The following CACNB4 variants were observed in gnomAD, a reference collection of about 807,000 sequenced individuals.
The protein encoded by CACNB4 is voltage-dependent L-type calcium channel subunit beta-4.
CACNB4 carries 32 observed loss-of-function variants against 71.2 expected under a neutral mutation model. That is an observed-to-expected ratio of 0.45 (90% CI 0.34 to 0.60). The LOEUF is 0.60. Among genes scored for constraint, CACNB4 ranks in the 20% least tolerant of loss-of-function variants. The probability of loss-of-function intolerance (pLI) is 0.01; values close to 1 mark genes in which losing one functional copy is unlikely to be tolerated. For missense variants in CACNB4, 464 were observed against 647.9 expected, an observed-to-expected ratio of 0.72 and a Z score of 3.08; for synonymous variants, 231 against 236.9, an observed-to-expected ratio of 0.97 and a Z score of 0.23.
intron 2 of CACNB4, among the ~76,000 whole-genome samples, chr2:152,044,709 G>A (rs1387811781): frequency 6.6e-6 from 1 of 152,066 alleles, no homozygotes; most frequent in Non-Finnish European, 1.5e-5. Flanking sequence ...CCTTTGTTTG[G>A]GTCATTTTCT....
chr2:152,092,861 T>C (rs1688053014), intron 2 of CACNB4, among the ~76,000 whole-genome samples: 1 of 151,798 alleles, frequency 6.6e-6, no homozygotes, highest in Non-Finnish European at 1.5e-5. Context: ...TTTTTTCCTA[T>C]ACATATATAC....
chr2:151,962,049 G>C (rs1243312120), intron 2 of CACNB4, among the ~76,000 whole-genome samples: 1 of 152,208 alleles, frequency 6.6e-6, no homozygotes, highest in Admixed American at 6.5e-5. Context: ...TGGCTAACCG[G>C]TAAGCTCTGC....
chr2:152,073,182 T>C (rs975441663), intron 2 of CACNB4, among the ~76,000 whole-genome samples: 5 of 152,180 alleles, frequency 3.3e-5, no homozygotes, highest in African/African-American at 1.2e-4. Context: ...ACTTGTGCAG[T>C]TGGCAGAGAG....
chr2:152,016,426 T>C lies in CACNB4; in HGVS notation c.147+81904A>G, dbSNP rs139585940. On this transcript the variant is annotated intron_variant, in intron 2 of 13. Transcript: ENST00000539935. ...CTGTATGGGATTCCATCAAAATTAC[T>C]GTATAATTTGATGCACACAGAAGAA... Among the ~76,000 whole-genome samples the C allele has an allele frequency of 1.4e-3, 217 of 152,346 alleles. 2 individuals carry two copies. Among genetic ancestry groups the C allele is most frequent in the African/African-American group, 4.9e-3 (202 of 41,580 alleles).
intron 2 of CACNB4, among the ~76,000 whole-genome samples, chr2:152,010,973 T>A (rs1272156393): frequency 2.0e-5 from 3 of 152,122 alleles, no homozygotes; most frequent in African/African-American, 7.2e-5. Context: ...ACTGCTCCCC[T>A]CATATTTAAG....
At chr2:151,962,610 T>C (rs758301015) in intron 2 of CACNB4, among the ~76,000 whole-genome samples, 2 of 152,260 alleles carry the variant, frequency 1.3e-5, no homozygotes, top group African/African-American at 4.8e-5. Flanking sequence ...AACTTGCAAC[T>C]GTCATCAAGA....
chr2:152,065,012 G>C (rs1417218103), intron 2 of CACNB4, among the ~76,000 whole-genome samples: 7 of 152,160 alleles, frequency 4.6e-5, no homozygotes, highest in Admixed American at 4.6e-4. Flanking sequence ...TGGCTCTTTA[G>C]GGCAAGGACT....
chr2:152,058,280 G>T (rs992143777), intron 2 of CACNB4, among the ~76,000 whole-genome samples: 7 of 152,192 alleles, frequency 4.6e-5, no homozygotes, highest in African/African-American at 1.7e-4. Context: ...CAAAGAGGGG[G>T]GTACTGCTAT....
chr2:152,054,754 T>C (rs1009982833), intron 2 of CACNB4, among the ~76,000 whole-genome samples: 3 of 152,208 alleles, frequency 2.0e-5, no homozygotes, highest in Admixed American at 6.5e-5. Context: ...TTTTTTATTA[T>C]AGCCATCCTA....
In CACNB4 at chr2:152,085,229, G is replaced by T. The variant is rs76633068; in HGVS notation, c.147+13101C>A. ...CCATGCAAGTACAGGCAGAGGGGAGGGAAGGGGAACACACTGGCATGAAAG... is the reference window on the plus strand; with the variant it reads ...CCATGCAAGTACAGGCAGAGGGGAGTGAAGGGGAACACACTGGCATGAAAG... On this transcript the variant is annotated intron_variant, in intron 2 of 13. Coordinates refer to ENST00000539935, the MANE Select transcript of CACNB4 (RefSeq NM_000726.5). Among the ~76,000 whole-genome samples, 23 of 152,124 alleles carry T rather than the reference G, an allele frequency of 1.5e-4. No individual in the cohort carries two copies. The East Asian group carries it at 3.3e-3, about 22-fold the overall frequency.
rs2099835502 is a variant in CACNB4, at chr2:151,839,016, C to T, written c.*103G>A. 3 of 1,018,072 alleles carry T rather than the reference C, an allele frequency of 2.9e-6. No individual in the cohort carries two copies. The highest frequency in any genetic ancestry group is 2.9e-6 in the Non-Finnish European group (2 of 701,434). The allele number at this position is 1,018,072 out of a possible 1,614,324, so 63.1% of individuals were successfully genotyped here. ...GCATAAAATGACAGCAGCCCATTAGCACAGTAAATACTGTGCTATGTTAGC... is the reference window on the plus strand; with the variant it reads ...GCATAAAATGACAGCAGCCCATTAGTACAGTAAATACTGTGCTATGTTAGC... On this transcript the variant is annotated 3_prime_UTR_variant, in exon 14 of 14. Coordinates refer to ENST00000539935, the MANE Select transcript of CACNB4 (RefSeq NM_000726.5).
At chr2:151,895,605 T>A (rs1386327043) in intron 2 of CACNB4, among the ~76,000 whole-genome samples, 1 of 152,050 alleles carries the variant, frequency 6.6e-6, no homozygotes, top group Non-Finnish European at 1.5e-5. Flanking sequence ...TCGGAATTTT[T>A]AAAAACAAAA....
At chr2:151,946,026 T>C (rs2099865498) in intron 2 of CACNB4, among the ~76,000 whole-genome samples, 1 of 152,056 alleles carries the variant, frequency 6.6e-6, no homozygotes, top group Non-Finnish European at 1.5e-5. Context: ...ATTATTATTA[T>C]TATAATAAAA....
intron 2 of CACNB4, among the ~76,000 whole-genome samples, chr2:152,061,904 C>T (rs951526413): frequency 2.0e-5 from 3 of 151,594 alleles, no homozygotes; most frequent in Admixed American, 6.6e-5. Context: ...CCCAGCTACT[C>T]GGGAGGCTGA....
At chr2:152,087,593 T>A (rs1687733097) in intron 2 of CACNB4, among the ~76,000 whole-genome samples, 1 of 151,418 alleles carries the variant, frequency 6.6e-6, no homozygotes, top group Non-Finnish European at 1.5e-5. Context: ...TCCATTTCTA[T>A]CCTCACGCCA....
chr2:151,964,697 C>T (rs764832230), intron 2 of CACNB4, among the ~76,000 whole-genome samples: 36 of 152,108 alleles, frequency 2.4e-4, no homozygotes, highest in Non-Finnish European at 4.0e-4. Context: ...CAAAATATGA[C>T]TTTAGGGATA....
chr2:151,853,110 T>C (rs141627279), intron 12 of CACNB4: 106 of 213,524 alleles, frequency 5.0e-4, no homozygotes, highest in African/African-American at 2.4e-3. Context: ...GAAGATCAAA[T>C]TGGTATGTTT....
chr2:152,092,636 T>G (rs1466059939), intron 2 of CACNB4, among the ~76,000 whole-genome samples: 1 of 152,126 alleles, frequency 6.6e-6, no homozygotes, highest in Non-Finnish European at 1.5e-5. Flanking sequence ...CTTGAATGCA[T>G]TTCAAATGAA....
rs116019100 is a variant in CACNB4, at chr2:151,841,327, T to C, written c.1302+576A>G. ...GTGGCTCATGATGGTAATTTCAACA[T>C]TTTGGGAGGCCAAGGCAGGAAGATT... is the stretch of plus-strand genomic sequence containing the variant. On this transcript the variant is annotated intron_variant, in intron 13 of 13. Transcript: ENST00000539935. Among the ~76,000 whole-genome samples the C allele has an allele frequency of 5.4e-3, 824 of 152,188 alleles. 6 individuals carry two copies. The highest frequency in any genetic ancestry group is 0.019 in the African/African-American group (773 of 41,518).
Sources: allele counts gnomAD v4.1 joint callset (sites outside exome capture counted in the v4.1 genomes callset), GRCh38; gene constraint gnomAD v4.1.1; transcripts MANE v1.5; gene names NCBI Gene and HGNC (gene_info 2026-07-23, HGNC 2026-07-21).